Variants in PDE11A observed in about 807,000 individuals in gnomAD.
PDE11A encodes the protein phosphodiesterase 11A.
A neutral mutation model predicts 100.5 loss-of-function variants in PDE11A; 100 were observed. The ratio of observed to expected loss-of-function variants is 1.00; its 90% confidence interval spans 0.85 to 1.18. PDE11A has a LOEUF of 1.18. Ranked by LOEUF, PDE11A falls within the 50% of genes most tolerant of loss-of-function variation. PDE11A has a pLI of 0.00. For missense variants in PDE11A, 1,141 were observed against 1,152.6 expected (o/e 0.99, Z 0.15); for synonymous variants, 381 against 420.8 (o/e 0.91, Z 1.16).
chr2:177,795,895 C>T (rs2082698552), intron 9 of PDE11A, among the ~76,000 whole-genome samples: 1 of 136,202 alleles, frequency 7.3e-6, no homozygotes, highest in Admixed American at 7.9e-5. Flanking sequence ...CATGTTGTCT[C>T]TGGGGATTGT....
At chr2:177,638,011 T>TGAGATGGAGTCTCGCTC (rs2080074345) in intron 19 of PDE11A, among the ~76,000 whole-genome samples, 1 of 137,838 alleles carries the variant, frequency 7.3e-6, no homozygotes, top group African/African-American at 2.8e-5. Context: ...TTTTTTTTTT[T>TGAGATGGAGTCTCGCTC]TTTTTTGAGA....
intron 2 of PDE11A, among the ~76,000 whole-genome samples, chr2:177,924,815 G>A (rs1390934882): frequency 6.7e-6 from 1 of 148,608 alleles, no homozygotes; most frequent in Admixed American, 6.7e-5. Context: ...TGCCATGCTG[G>A]TGTGCTGCAC....
At chr2:177,758,132 TAA>T (rs57702277) in intron 10 of PDE11A, among the ~76,000 whole-genome samples, 7 of 133,276 alleles carry the variant, frequency 5.3e-5, no homozygotes, top group African/African-American at 5.5e-5. Flanking sequence ...CCATCTCTAC[TAA>T]AAAAAAAAAA....
intron 1 of PDE11A, among the ~76,000 whole-genome samples, chr2:178,025,265 A>G (rs563088364): frequency 6.6e-6 from 1 of 152,302 alleles, no homozygotes; most frequent in South Asian, 2.1e-4. Context: ...GTACATTCAC[A>G]TAGGTAAGCT....
intron 2 of PDE11A, among the ~76,000 whole-genome samples, chr2:177,911,000 T>C (rs1323406714): frequency 1.3e-5 from 2 of 152,186 alleles, no homozygotes; most frequent in Admixed American, 6.5e-5. Context: ...GCCACATCAC[T>C]GTCAGCTAAA....
intron 10 of PDE11A, among the ~76,000 whole-genome samples, chr2:177,752,127 T>G (rs1186656546): frequency 6.6e-6 from 1 of 152,050 alleles, no homozygotes. Flanking sequence ...AGAGCTCAGG[T>G]TTTTCATCCG....
intron 1 of PDE11A, among the ~76,000 whole-genome samples, chr2:178,036,653 T>C (rs1182554599): frequency 6.6e-6 from 1 of 152,162 alleles, no homozygotes; most frequent in Non-Finnish European, 1.5e-5. Flanking sequence ...CAAAACAGCA[T>C]GGTACTGGTA....
At chr2:177,969,301 G>T (rs2085738839) in intron 2 of PDE11A, among the ~76,000 whole-genome samples, 1 of 152,114 alleles carries the variant, frequency 6.6e-6, no homozygotes, top group Non-Finnish European at 1.5e-5. Flanking sequence ...AGCATTAGGA[G>T]AAATACCTAA....
intron 15 of PDE11A, among the ~76,000 whole-genome samples, chr2:177,693,571 A>G (rs1000045198): frequency 6.6e-6 from 1 of 152,102 alleles, no homozygotes; most frequent in Non-Finnish European, 1.5e-5. Context: ...TTTATCTCCA[A>G]CTTTGCTTTG....
At chr2:177,928,839 G>T (rs1252870241) in intron 2 of PDE11A, among the ~76,000 whole-genome samples, 1 of 151,724 alleles carries the variant, frequency 6.6e-6, no homozygotes, top group Non-Finnish European at 1.5e-5. Context: ...CTGTAGCCTG[G>T]GTTACAGAGA....
intron 2 of PDE11A, among the ~76,000 whole-genome samples, chr2:177,917,606 A>G (rs1394424998): frequency 6.6e-6 from 1 of 152,230 alleles, no homozygotes; most frequent in Non-Finnish European, 1.5e-5. Flanking sequence ...TACCACATAC[A>G]GTATTTTTAA....
At chr2:178,056,120 G>A (rs1168785060) in intron 1 of PDE11A, among the ~76,000 whole-genome samples, 1 of 152,206 alleles carries the variant, frequency 6.6e-6, no homozygotes, top group African/African-American at 2.4e-5. Flanking sequence ...AGCAAGTCCT[G>A]TGGCTGAATT....
chr2:178,069,166 A>G (rs773309240), intron 1 of PDE11A, among the ~76,000 whole-genome samples: 2 of 152,168 alleles, frequency 1.3e-5, no homozygotes, highest in Non-Finnish European at 2.9e-5. Flanking sequence ...ACCAGATATT[A>G]TTTTAGGGGC....
chr2:177,971,804 G>C (rs148867221), intron 2 of PDE11A, among the ~76,000 whole-genome samples: 6 of 152,040 alleles, frequency 3.9e-5, no homozygotes, highest in Non-Finnish European at 8.8e-5. Flanking sequence ...TACAGAGCTG[G>C]TGGGAACATC....
intron 1 of PDE11A, 55 bp from the exon 2 acceptor site, chr2:178,014,515 G>A: frequency 7.1e-7 from 1 of 1,417,420 alleles, no homozygotes; most frequent in Non-Finnish European, 9.9e-7. Flanking sequence ...TCAGGGAGAA[G>A]GAGAGAGAGG....
chr2:177,706,246 G>C (rs1308745411), intron 13 of PDE11A, among the ~76,000 whole-genome samples: 1 of 152,036 alleles, frequency 6.6e-6, no homozygotes, highest in Non-Finnish European at 1.5e-5. Flanking sequence ...AATGTCTCCT[G>C]TTTTTTTATA....
In PDE11A at chr2:177,683,871, G is replaced by A. The variant is rs75014350; in HGVS notation, c.2346-2968C>T. 2.4e-3 allele frequency among the ~76,000 whole-genome samples: 361 copies of A among 152,264 alleles called. 1 individual carries two copies. Among genetic ancestry groups the A allele is most frequent in the African/African-American group, 6.9e-3 (285 of 41,548 alleles). On this transcript the variant is annotated intron_variant, in intron 15 of 19. Transcript: ENST00000286063. ...TAATGCTGACTGTCACTTATTAGCT[G>A]TGTGATCTTGGGTGAGTAATTTCAC...
chr2:177,875,233 G>GACAA (rs1191437433), intron 5 of PDE11A, among the ~76,000 whole-genome samples: 4 of 151,540 alleles, frequency 2.6e-5, no homozygotes, highest in Non-Finnish European at 5.9e-5. Context: ...TAAAAAACAA[G>GACAA]ACAAACAAAC....
At chr2:177,982,118 G>C (rs940920572) in intron 2 of PDE11A, among the ~76,000 whole-genome samples, 1 of 150,954 alleles carries the variant, frequency 6.6e-6, no homozygotes, top group Non-Finnish European at 1.5e-5. Context: ...GAAGAGAACG[G>C]CTCTTTAATG....
Sources: gnomAD v4.1 joint callset for allele counts (sites outside exome capture counted in the v4.1 genomes callset) on GRCh38, gnomAD v4.1.1 for gene constraint, MANE v1.5 for transcripts, NCBI Gene and HGNC (gene_info 2026-07-23, HGNC 2026-07-21) for gene names.